HTR7: variants seen among roughly 807,000 people sequenced by gnomAD.
HTR7 encodes 5-hydroxytryptamine receptor 7.
Under a neutral mutation model 34.0 loss-of-function variants are expected in HTR7, and 16 were observed. The observed-to-expected ratio is 0.47, with a 90% CI of 0.32 to 0.71. The LOEUF is 0.71. Among genes scored for constraint, HTR7 ranks in the 30% least tolerant of loss-of-function variants. The pLI is 0.04. For missense variants in HTR7, 504 were observed against 625.5 expected (o/e 0.81, Z 2.07); for synonymous variants, 265 against 260.2 (o/e 1.02, Z -0.18).
At chr10:90,819,328 A>G (rs908235898) in intron 1 of HTR7, among the ~76,000 whole-genome samples, 4 of 152,118 alleles carry the variant, frequency 2.6e-5, no homozygotes, top group African/African-American at 9.7e-5. Context: ...TAAACAATAA[A>G]AACTTTTTAA....
chr10:90,849,176 G>A (rs187630469), intron 1 of HTR7, among the ~76,000 whole-genome samples: 71 of 152,288 alleles, frequency 4.7e-4, no homozygotes, highest in African/African-American at 1.5e-3. Flanking sequence ...TTTCTGATAT[G>A]TACCTGGTGA....
intron 1 of HTR7, among the ~76,000 whole-genome samples, chr10:90,802,940 G>A (rs1013049279): frequency 6.6e-6 from 1 of 150,502 alleles, no homozygotes; most frequent in Admixed American, 6.6e-5. Context: ...CTGAGAAACT[G>A]AGACCATAGA....
At chr10:90,774,342 A>C (rs1428556636) in intron 1 of HTR7, among the ~76,000 whole-genome samples, 1 of 152,168 alleles carries the variant, frequency 6.6e-6, no homozygotes, top group Non-Finnish European at 1.5e-5. Context: ...TTGATCATTC[A>C]AAGTATTTCT....
intron 1 of HTR7, among the ~76,000 whole-genome samples, chr10:90,793,699 GCGAAATCCCACAAT>G (rs1845494589): frequency 6.6e-6 from 1 of 151,932 alleles, no homozygotes; most frequent in African/African-American, 2.4e-5. Flanking sequence ...CGATCACAAG[GCGAAATCCCACAAT>G]AGGCTATCTG....
chr10:90,773,713 G>A (rs1467748516), intron 1 of HTR7, among the ~76,000 whole-genome samples: 1 of 152,000 alleles, frequency 6.6e-6, no homozygotes, highest in Non-Finnish European at 1.5e-5. Flanking sequence ...TTGCCTTTTT[G>A]TGCCTGGCTT....
At chr10:90,834,760 C>T (rs977864319) in intron 1 of HTR7, among the ~76,000 whole-genome samples, 2 of 152,078 alleles carry the variant, frequency 1.3e-5, no homozygotes, top group African/African-American at 4.8e-5. Flanking sequence ...CCAATGAACC[C>T]CCCTTTTCAC....
rs1268238919 is a variant in HTR7, at chr10:90,802,996, C to T, written c.540-53402G>A. 4.9e-3 allele frequency among the ~76,000 whole-genome samples: 434 copies of T among 88,954 alleles called. 3 individuals are homozygous for T. The highest frequency in any genetic ancestry group is 0.015 in the Middle Eastern group (2 of 130). The allele number at this position is 88,954 out of a possible 152,430, so 58.4% of individuals were successfully genotyped here. On this transcript the variant is annotated intron_variant, in intron 1 of 3. Coordinates refer to ENST00000336152, the MANE Select transcript of HTR7 (RefSeq NM_019859.4). ...AAATGAGTTGTACCCCATTTGTGGC[C>T]TTTTTTTTTTTTTTTTTTTTTTGCT...
chr10:90,819,007 C>A (rs886755103), intron 1 of HTR7, among the ~76,000 whole-genome samples: 1 of 152,270 alleles, frequency 6.6e-6, no homozygotes, highest in East Asian at 1.9e-4. Context: ...GAGGCCTCCC[C>A]AGCCATGCAT....
At chr10:90,809,615 A>C (rs1845768846) in intron 1 of HTR7, among the ~76,000 whole-genome samples, 1 of 152,224 alleles carries the variant, frequency 6.6e-6, no homozygotes, top group Admixed American at 6.5e-5. Context: ...CCCCAGCCAC[A>C]ACTCCAGCAC....
chr10:90,750,880 C>T (rs1844722616), intron 1 of HTR7, among the ~76,000 whole-genome samples: 1 of 152,052 alleles, frequency 6.6e-6, no homozygotes, highest in Non-Finnish European at 1.5e-5. Context: ...AGAATTCTTT[C>T]CTTCAATAAG....
At chr10:90,778,867 T>C (rs1386963879) in intron 1 of HTR7, among the ~76,000 whole-genome samples, 1 of 152,206 alleles carries the variant, frequency 6.6e-6, no homozygotes, top group Admixed American at 6.5e-5. Flanking sequence ...TGAACTTGAA[T>C]TTTTTAGCTT....
intron 3 of HTR7, 79 bp downstream of exon 3, chr10:90,743,514 C>T: frequency 8.7e-7 from 1 of 1,150,144 alleles, no homozygotes; most frequent in East Asian, 2.3e-5. Flanking sequence ...CTCAGCACGG[C>T]TCTGCTCACA....
At chr10:90,835,767 G>C (rs1053370666) in intron 1 of HTR7, among the ~76,000 whole-genome samples, 2 of 152,150 alleles carry the variant, frequency 1.3e-5, no homozygotes, top group Admixed American at 6.5e-5. Flanking sequence ...AAGCTCAGGG[G>C]ACTAAGGGAG....
intron 1 of HTR7, among the ~76,000 whole-genome samples, chr10:90,789,029 A>G (rs1845425560): frequency 6.6e-6 from 1 of 152,212 alleles, no homozygotes; most frequent in African/African-American, 2.4e-5. Flanking sequence ...CACTTGATCC[A>G]TAACACTATG....
chr10:90,851,190 T>C (rs1846492818), intron 1 of HTR7, among the ~76,000 whole-genome samples: 1 of 152,212 alleles, frequency 6.6e-6, no homozygotes, highest in African/African-American at 2.4e-5. Context: ...ATAATAATGT[T>C]GGCTAATGGC....
chr10:90,799,688 T>C (rs189205890), intron 1 of HTR7, among the ~76,000 whole-genome samples: 1 of 152,274 alleles, frequency 6.6e-6, no homozygotes, highest in Admixed American at 6.5e-5. Flanking sequence ...TTTCCAAACT[T>C]GCTGGCAAAC....
chr10:90,744,733 G>A (rs911795696), intron 2 of HTR7, among the ~76,000 whole-genome samples: 9 of 152,122 alleles, frequency 5.9e-5, no homozygotes, highest in African/African-American at 2.2e-4. Context: ...GTTGGGATGG[G>A]AGGCAAAATT....
At chr10:90,801,299 TG>T in intron 1 of HTR7, among the ~76,000 whole-genome samples, 1 of 152,346 alleles carries the variant, frequency 6.6e-6, no homozygotes, top group African/African-American at 2.4e-5. Context: ...TCACTTTTTC[TG>T]TTTTTTGGTT....
intron 1 of HTR7, among the ~76,000 whole-genome samples, chr10:90,776,920 C>G (rs1300153596): frequency 2.6e-5 from 4 of 152,094 alleles, no homozygotes; most frequent in African/African-American, 9.7e-5. Context: ...AATTGAAGGT[C>G]TTAGTTAGCT....
Sources: gnomAD v4.1 joint callset for allele counts (sites outside exome capture counted in the v4.1 genomes callset) on GRCh38, gnomAD v4.1.1 for gene constraint, MANE v1.5 for transcripts, NCBI Gene and HGNC (gene_info 2026-07-23, HGNC 2026-07-21) for gene names.